The following RRM1 variants were observed in gnomAD, a reference collection of about 807,000 sequenced individuals.
RRM1 encodes the protein ribonucleotide reductase catalytic subunit M1, also known as ribonucleoside-diphosphate reductase large subunit.
In RRM1, 19 loss-of-function variants were observed where a neutral mutation model predicts 101.5. The ratio of observed to expected loss-of-function variants is 0.19; its 90% CI spans 0.13 to 0.27. The LOEUF (loss-of-function observed/expected upper bound fraction) is 0.27. Ranked by LOEUF, RRM1 falls within the 10% of genes least tolerant of loss-of-function variation. The probability of loss-of-function intolerance (pLI) is 1.00; values close to 1 mark genes in which losing one functional copy is unlikely to be tolerated. For missense variants in RRM1, 500 were observed against 962.9 expected, an observed-to-expected ratio of 0.52 and a Z score of 6.36; for synonymous variants, 298 against 323.4, an observed-to-expected ratio of 0.92 and a Z score of 0.84.
intron 12 of RRM1, among the ~76,000 whole-genome samples, chr11:4,124,228 C>A (rs2094586139): frequency 6.6e-6 from 1 of 152,096 alleles, no homozygotes; most frequent in Non-Finnish European, 1.5e-5. Flanking sequence ...AAGGAAGGTT[C>A]TTGCTTCTGG....
intron 17 of RRM1, among the ~76,000 whole-genome samples, chr11:4,134,013 GTC>G (rs1590734777): frequency 1.0e-5 from 1 of 98,938 alleles, no homozygotes; most frequent in East Asian, 3.3e-4. Context: ...TTGAGACGAA[GTC>G]TCTGTCGCCC....
At position 4,094,989 on chromosome 11, in the gene RRM1, T is replaced by A; in HGVS notation, c.-24T>A. On this transcript the variant is annotated 5_prime_UTR_variant, in exon 1 of 19. Transcript: ENST00000300738. Reference sequence around the variant, plus strand: ...GAGCCGCAGTCCAGTCTTGGATCCTTCAGAGCCTCAGCCACTAGCTGCGAT... The same window carrying A: ...GAGCCGCAGTCCAGTCTTGGATCCTACAGAGCCTCAGCCACTAGCTGCGAT... The A allele has an allele frequency of 6.4e-7, 1 of 1,559,252 alleles. No homozygotes were observed. Among genetic ancestry groups the A allele is most frequent in the East Asian group, 2.4e-5 (1 of 41,510 alleles).
At chr11:4,119,677 G>A (rs945944537) in intron 8 of RRM1, 168 bp from the exon 9 acceptor site, 2 of 594,092 alleles carry the variant, frequency 3.4e-6, no homozygotes, top group African/African-American at 1.9e-5. Flanking sequence ...ACATTTTGTT[G>A]ATTTTATTTG....
At position 4,130,084 on chromosome 11, in the gene RRM1, A is replaced by AT. The variant is rs1455847256; in HGVS notation, c.1769+935dup. 8.1e-4 allele frequency among the ~76,000 whole-genome samples: 79 copies of AT among 97,968 alleles called. 1 individual carries two copies. Among genetic ancestry groups the AT allele is most frequent in the East Asian group, 2.3e-3 (7 of 3,094 alleles). The allele number at this position is 97,968 out of a possible 152,430, so 64.3% of individuals were successfully genotyped here. A position where few individuals can be genotyped will look rare whatever the true frequency, so the allele number is the denominator to read the frequency against. On this transcript the variant is annotated intron_variant, in intron 15 of 18. Coordinates refer to ENST00000300738, the MANE Select transcript of RRM1 (RefSeq NM_001033.5). ...ACTGTATTTATATATATATATATATATATTTTTTTTTTTTTTTTTTCCCCT... is the reference window on the plus strand; with the variant it reads ...ACTGTATTTATATATATATATATATATTATTTTTTTTTTTTTTTTTTCCCCT...
chr11:4,101,023 GA>G (rs928977319), intron 1 of RRM1, among the ~76,000 whole-genome samples: 6 of 152,102 alleles, frequency 3.9e-5, no homozygotes, highest in African/African-American at 1.4e-4. Flanking sequence ...CCAAAATCAT[GA>G]AAAATATTAG....
At position 4,127,935 on chromosome 11, in the gene RRM1, G is replaced by A. The variant is rs116839422; in HGVS notation, c.1692+679G>A. Among the ~76,000 whole-genome samples, 951 of 152,248 alleles carry A rather than the reference G, an allele frequency of 6.2e-3. 3 individuals are homozygous for A. The highest frequency in any genetic ancestry group is 0.021 in the African/African-American group (884 of 41,542). On this transcript the variant is annotated intron_variant, in intron 14 of 18. Transcript: ENST00000300738. ...CCTTCTTTTCTGGGTCTGTGTTCAA[G>A]ATGTTGGTAAGGGCTGTGATCTCGT... is the stretch of plus-strand genomic sequence containing the variant.
rs756401088 is a variant in RRM1 at position 4,127,079 on chromosome 11, A to G, written c.1515A>G (p.Val505=). 6.2e-7 allele frequency: 1 copy of G among 1,614,060 alleles called. No homozygotes were observed. The highest frequency in any genetic ancestry group is 1.1e-5 in the South Asian group (1 of 91,032). ...NKRHRPIGIG[V]QGLADAFILM... ...GCCATCGCCCCATTGGAATTGGGGT[A>G]CAAGGTCTGGCAGATGCTTTTATCC... The change falls in exon 14 of 19, where the codon GTA becomes GTG. Residue 505 remains valine, a synonymous_variant. Coordinates refer to ENST00000300738, the MANE Select transcript of RRM1 (RefSeq NM_001033.5).
intron 2 of RRM1, among the ~76,000 whole-genome samples, chr11:4,104,510 T>C (rs1196778703): frequency 6.6e-6 from 1 of 152,168 alleles, no homozygotes; most frequent in African/African-American, 2.4e-5. Context: ...GCATTACCTG[T>C]CTTAAAAACT....
Position 4,119,929 on chromosome 11 carries a change from G to T in RRM1, c.876+1G>T. 1 of 1,556,390 alleles carries T rather than the reference G, an allele frequency of 6.4e-7. No homozygotes were observed. Among genetic ancestry groups the T allele is most frequent in the Non-Finnish European group, 8.9e-7 (1 of 1,127,562 alleles). ...ATATGTGGATCAAGGTGGGAACAAGGTATGCTCCATGAATTGAAAGTACTG... is the reference window on the plus strand; with the variant it reads ...ATATGTGGATCAAGGTGGGAACAAGTTATGCTCCATGAATTGAAAGTACTG... On this transcript the variant is annotated splice_donor_variant, in intron 9 of 18. Coordinates refer to ENST00000300738, the MANE Select transcript of RRM1 (RefSeq NM_001033.5). LOFTEE classifies it high-confidence loss of function.
intron 12 of RRM1, among the ~76,000 whole-genome samples, chr11:4,124,568 T>C (rs1454584608): frequency 6.6e-6 from 1 of 152,236 alleles, no homozygotes; most frequent in Non-Finnish European, 1.5e-5. Flanking sequence ...TCGACATATA[T>C]TGAGGTAACT....
rs995050449 is a variant in RRM1 at position 4,132,148 on chromosome 11, C to G, written c.1770-138C>G. The G allele has an allele frequency of 3.6e-6, 3 of 825,430 alleles. No individual in the cohort carries two copies. The highest frequency in any genetic ancestry group is 1.7e-5 in the African/African-American group (1 of 58,574). The allele number at this position is 825,430 out of a possible 1,614,324, so 51.1% of individuals were successfully genotyped here. On this transcript the variant is annotated intron_variant, in intron 15 of 18. Coordinates refer to ENST00000300738, the MANE Select transcript of RRM1 (RefSeq NM_001033.5). The surrounding 1 kb of genome is among the most constrained non-coding windows in gnomAD (Gnocchi z 4.1). ...TGTAGGAGTTTAATTTGAAAGTCAACGTGTGAGTTCAATGCATGTACGATG... is the reference window on the plus strand; with the variant it reads ...TGTAGGAGTTTAATTTGAAAGTCAAGGTGTGAGTTCAATGCATGTACGATG...
chr11:4,127,145 G>A lies in RRM1; in HGVS notation c.1581G>A (p.Leu527=), dbSNP rs966701478. ...TTGAGAGTGCAGAAGCCCAGTTACTGAATAAGCAGATCTTTGAAACTATTT... is the reference window on the plus strand; with the variant it reads ...TTGAGAGTGCAGAAGCCCAGTTACTAAATAAGCAGATCTTTGAAACTATTT... The part of the protein sequence containing the change: ...YPFESAEAQL[L]NKQIFETIYY... The change falls in exon 14 of 19, where the codon CTG becomes CTA. Residue 527 remains leucine, a synonymous_variant. Coordinates refer to ENST00000300738, the MANE Select transcript of RRM1 (RefSeq NM_001033.5). 6.2e-7 allele frequency: 1 copy of A among 1,614,122 alleles called. No individual in the cohort carries two copies. Among genetic ancestry groups the A allele is most frequent in the Admixed American group, 1.7e-5 (1 of 60,008 alleles).
intron 2 of RRM1, 94 bp from the exon 3 acceptor site, chr11:4,105,952 C>T (rs1052931964): frequency 8.7e-6 from 9 of 1,030,144 alleles, no homozygotes; most frequent in Non-Finnish European, 1.3e-5. Flanking sequence ...GCATGTACTA[C>T]CACACCTGGC....
chr11:4,096,194 T>C (rs1379060695), intron 1 of RRM1, among the ~76,000 whole-genome samples: 2 of 152,058 alleles, frequency 1.3e-5, no homozygotes, highest in Non-Finnish European at 2.9e-5. Context: ...AGTGGCTAAT[T>C]TTTAAAAATT....
At position 4,138,494 on chromosome 11, in the gene RRM1, A is replaced by C; in HGVS notation, c.*111A>C. 1 of 598,526 alleles carries C rather than the reference A, an allele frequency of 1.7e-6. No individual in the cohort carries two copies. The allele number at this position is 598,526 out of a possible 1,614,324, so 37.1% of individuals were successfully genotyped here. On this transcript the variant is annotated 3_prime_UTR_variant, in exon 19 of 19. Transcript: ENST00000300738. ...GTAAGGCTTTGCTGGACCCTGTTGC[A>C]GGCAAAAGGAGTAATTGATTTAAAG...
At chr11:4,129,256 T>C in intron 15 of RRM1, 106 bp downstream of exon 15, 1 of 633,728 alleles carries the variant, frequency 1.6e-6, no homozygotes, top group Non-Finnish European at 2.7e-6. Flanking sequence ...ACTCATTTAT[T>C]ACAAATGGGG....
chr11:4,127,501 C>T (rs772836980), intron 14 of RRM1, among the ~76,000 whole-genome samples: 7 of 152,136 alleles, frequency 4.6e-5, no homozygotes, highest in Non-Finnish European at 8.8e-5. Context: ...GGGGAAGCAA[C>T]GTGACTATGG....
chr11:4,124,243 A>G (rs61547259), intron 12 of RRM1, among the ~76,000 whole-genome samples: 2,081 of 152,312 alleles, frequency 0.014, 43 homozygotes, highest in African/African-American at 0.047. Context: ...TTCTGGTTAC[A>G]GAGTGTCTTG....
intron 6 of RRM1, 61 bp downstream of exon 6, chr11:4,111,701 T>A: frequency 5.0e-6 from 7 of 1,393,922 alleles, no homozygotes; most frequent in South Asian, 1.3e-5. Context: ...TGTATAGCTT[T>A]GAGCTATAAG....
Sources: gnomAD v4.1 joint callset for allele counts (sites outside exome capture counted in the v4.1 genomes callset) on GRCh38, gnomAD v4.1.1 for gene constraint, Gnocchi (gnomAD v3.1) non-coding constraint, MANE v1.5 for transcripts, NCBI Gene and HGNC (gene_info 2026-07-23, HGNC 2026-07-21) for gene names.